The following SLC1A2 variants were observed in gnomAD, a reference collection of about 807,000 sequenced individuals.
SLC1A2 encodes the protein solute carrier family 1 member 2.
Under a neutral mutation model 48.8 loss-of-function variants are expected in SLC1A2, and 15 were observed. The ratio of observed to expected loss-of-function variants is 0.31; its 90% CI spans 0.21 to 0.47. The LOEUF (loss-of-function observed/expected upper bound fraction) is 0.47, where lower values mean the gene tolerates loss of function less well. SLC1A2 is among the 20% of genes least tolerant of loss of function. The pLI is 0.99. For missense variants in SLC1A2, 502 were observed against 730.5 expected, an observed-to-expected ratio of 0.69 and a Z score of 3.61; for synonymous variants, 279 against 272.6, an observed-to-expected ratio of 1.02 and a Z score of -0.23.
intron 1 of SLC1A2, among the ~76,000 whole-genome samples, chr11:35,372,609 C>T (rs1459392312): frequency 6.6e-6 from 1 of 152,048 alleles, no homozygotes; most frequent in African/African-American, 2.4e-5. Flanking sequence ...AGTTCCCAGT[C>T]ATAGTAAGAA....
At chr11:35,336,326 A>G (rs1852631791) in intron 1 of SLC1A2, among the ~76,000 whole-genome samples, 1 of 152,246 alleles carries the variant, frequency 6.6e-6, no homozygotes, top group South Asian at 2.1e-4. Context: ...AACTAAAATT[A>G]AAATTAAAAT....
In SLC1A2 at chr11:35,259,079, C is replaced by G. The variant is rs1053092447; in HGVS notation, c.*1815G>C. The G allele has an allele frequency of 1.3e-5, 2 of 152,492 alleles. No individual in the cohort carries two copies. Among genetic ancestry groups the G allele is most frequent in the African/African-American group, 4.8e-5 (2 of 41,410 alleles). The allele number at this position is 152,492 out of a possible 1,614,324, so 9.4% of individuals were successfully genotyped here. A position where few individuals can be genotyped will look rare whatever the true frequency, so the allele number is the denominator to read the frequency against. ...TTTGAAAAGCAAAAATGAAAAGTTGCCTAATACTGTTCAGTAGTGATCCTT... is the reference window on the plus strand; with the variant it reads ...TTTGAAAAGCAAAAATGAAAAGTTGGCTAATACTGTTCAGTAGTGATCCTT... On this transcript the variant is annotated 3_prime_UTR_variant, in exon 11 of 11. Transcript: ENST00000278379.
At chr11:35,350,417 T>C (rs1482160509) in intron 1 of SLC1A2, among the ~76,000 whole-genome samples, 2 of 152,214 alleles carry the variant, frequency 1.3e-5, no homozygotes, top group Non-Finnish European at 2.9e-5. Context: ...CCTCTTTTAA[T>C]CCTTGCAACA....
chr11:35,295,226 T>C (rs963159046), intron 6 of SLC1A2, among the ~76,000 whole-genome samples: 10 of 151,956 alleles, frequency 6.6e-5, no homozygotes, highest in African/African-American at 1.9e-4. Flanking sequence ...TTTTGTTTAT[T>C]TTTATTTTTG....
At chr11:35,411,263 A>T (rs1855451183) in intron 1 of SLC1A2, among the ~76,000 whole-genome samples, 2 of 152,302 alleles carry the variant, frequency 1.3e-5, no homozygotes, top group African/African-American at 4.8e-5. Flanking sequence ...ATATAAATAG[A>T]AAAAATGATA....
intron 1 of SLC1A2, among the ~76,000 whole-genome samples, chr11:35,361,213 T>C (rs2135128849): frequency 6.6e-6 from 1 of 152,274 alleles, no homozygotes; most frequent in East Asian, 1.9e-4. Flanking sequence ...TCAAATCAGA[T>C]TTGACAGAGC....
At chr11:35,338,984 C>T (rs762949263) in intron 1 of SLC1A2, among the ~76,000 whole-genome samples, 17 of 152,272 alleles carry the variant, frequency 1.1e-4, no homozygotes, top group South Asian at 4.1e-4. Context: ...ACACAACCAA[C>T]GGGTGATTTT....
chr11:35,288,243 C>T (rs1036653470), intron 7 of SLC1A2, among the ~76,000 whole-genome samples: 1 of 152,134 alleles, frequency 6.6e-6, no homozygotes, highest in Non-Finnish European at 1.5e-5. Context: ...TTAGGAGAGC[C>T]AGATTTCTCT....
intron 1 of SLC1A2, among the ~76,000 whole-genome samples, chr11:35,378,551 T>A (rs1854315726): frequency 6.6e-6 from 1 of 152,222 alleles, no homozygotes; most frequent in Non-Finnish European, 1.5e-5. Flanking sequence ...ACTGAAAATT[T>A]TCATGAAAAC....
intron 9 of SLC1A2, chr11:35,280,456 C>T: frequency 6.4e-6 from 1 of 155,580 alleles, no homozygotes; most frequent in Middle Eastern, 3.2e-3. Flanking sequence ...AGCCACCGCA[C>T]CCAGCCCCAA....
At chr11:35,320,468 A>G (rs1852019557) in intron 1 of SLC1A2, among the ~76,000 whole-genome samples, 1 of 152,210 alleles carries the variant, frequency 6.6e-6, no homozygotes, top group Non-Finnish European at 1.5e-5. Flanking sequence ...AGGGAAGAAG[A>G]AGGAATGTTC....
intron 1 of SLC1A2, among the ~76,000 whole-genome samples, chr11:35,382,178 C>G (rs528564380): frequency 6.6e-6 from 1 of 152,362 alleles, no homozygotes; most frequent in East Asian, 1.9e-4. Flanking sequence ...GGTAACCACT[C>G]TGCATTGCTG....
At chr11:35,354,760 G>A (rs534162307) in intron 1 of SLC1A2, among the ~76,000 whole-genome samples, 33 of 152,134 alleles carry the variant, frequency 2.2e-4, no homozygotes, top group East Asian at 3.9e-4. Context: ...CCAACCGCCC[G>A]CATCCCTGTC....
intron 1 of SLC1A2, among the ~76,000 whole-genome samples, chr11:35,320,757 T>C (rs958419656): frequency 1.3e-5 from 2 of 152,236 alleles, no homozygotes; most frequent in Non-Finnish European, 2.9e-5. Flanking sequence ...GTGCATTTAT[T>C]CCACAAATTT....
chr11:35,398,867 G>A (rs146217907), intron 1 of SLC1A2, among the ~76,000 whole-genome samples: 1 of 152,268 alleles, frequency 6.6e-6, no homozygotes, highest in East Asian at 1.9e-4. Context: ...CTGCCCAACT[G>A]CGTCAGAGGG....
At position 35,301,491 on chromosome 11, in the gene SLC1A2, G is replaced by A. The variant is rs760230018; in HGVS notation, c.857+28C>T. ...GACCCCAAGGCTTTCTCAACCCACTGCTAAGAAGTAAGAACAAGGCCACTT... is the reference window on the plus strand; with the variant it reads ...GACCCCAAGGCTTTCTCAACCCACTACTAAGAAGTAAGAACAAGGCCACTT... On this transcript the variant is annotated intron_variant, in intron 6 of 10. Transcript: ENST00000278379. 4 of 1,610,676 alleles carry A rather than the reference G, an allele frequency of 2.5e-6. No individual in the cohort carries two copies. The Admixed American group carries it at 5.0e-5, about 20-fold the overall frequency.
intron 1 of SLC1A2, among the ~76,000 whole-genome samples, chr11:35,376,276 C>A (rs1854226809): frequency 2.0e-5 from 3 of 151,748 alleles, no homozygotes; most frequent in South Asian, 4.2e-4. Context: ...TGGGAGGAAG[C>A]TACAGAGACA....
At chr11:35,413,009 C>G (rs950726694) in intron 1 of SLC1A2, among the ~76,000 whole-genome samples, 1 of 151,568 alleles carries the variant, frequency 6.6e-6, no homozygotes, top group African/African-American at 2.4e-5. Context: ...CTTGAAAGAT[C>G]TTTTTTTTTA....
intron 10 of SLC1A2, among the ~76,000 whole-genome samples, chr11:35,262,621 A>G (rs189082549): frequency 1.0e-3 from 157 of 152,364 alleles, no homozygotes; most frequent in African/African-American, 3.5e-3. Flanking sequence ...AGATATCCTC[A>G]GAAAGGGTGT....
Sources: allele counts gnomAD v4.1 joint callset (sites outside exome capture counted in the v4.1 genomes callset), GRCh38; gene constraint gnomAD v4.1.1; transcripts MANE v1.5; gene names NCBI Gene and HGNC (gene_info 2026-07-23, HGNC 2026-07-21).